The following HDX variants were observed in gnomAD, a reference collection of about 807,000 sequenced individuals.
HDX encodes chromosome X open reading frame 43.
Under a neutral mutation model 45.2 loss-of-function variants are expected in HDX, and 19 were observed. The observed-to-expected ratio is 0.42, with a 90% CI of 0.29 to 0.62. HDX has a LOEUF of 0.62. Among genes scored for constraint, HDX ranks in the 20% least tolerant of loss-of-function variants. The pLI, the probability that HDX is intolerant of heterozygous loss-of-function variation, is 0.20. For synonymous variants in HDX, 188 were observed against 172.8 expected (o/e 1.09, Z -0.69); for missense variants, 532 against 493.9 (o/e 1.08, Z -0.73).
intron 5 of HDX, among the ~76,000 whole-genome samples, chrX:84,388,472 T>G (rs1238027068): frequency 8.9e-6 from 1 of 111,845 alleles, no homozygotes; most frequent in Admixed American, 9.5e-5. Flanking sequence ...TAATCCCATA[T>G]TTCTAAGAGG....
intron 4 of HDX, among the ~76,000 whole-genome samples, chrX:84,444,084 C>T (rs984661590): frequency 2.7e-5 from 3 of 110,695 alleles, no homozygotes; most frequent in African/African-American, 9.8e-5. Flanking sequence ...GAATTGATAG[C>T]TTAATCTTAA....
chrX:84,452,206 G>GA (rs1269243214), intron 4 of HDX, among the ~76,000 whole-genome samples: 2 of 110,995 alleles, frequency 1.8e-5, no homozygotes, highest in Admixed American at 1.9e-4. Flanking sequence ...AGCAACATTG[G>GA]AAAATAAGTC....
At chrX:84,352,481 T>C (rs1017887077) in intron 6 of HDX, among the ~76,000 whole-genome samples, 55 of 111,930 alleles carry the variant, frequency 4.9e-4, no homozygotes, top group African/African-American at 1.7e-3. Context: ...TTTTAACACT[T>C]TTTTATTTTT....
chrX:84,454,320 T>A (rs184619934), intron 4 of HDX, among the ~76,000 whole-genome samples: 1 of 111,592 alleles, frequency 9.0e-6, no homozygotes, highest in East Asian at 2.8e-4. Flanking sequence ...TTTCTAGATG[T>A]GATCTGTGCC....
chrX:84,337,502 CTCAT>C lies in HDX; in HGVS notation c.1661-626_1661-623del, dbSNP rs199683343. Among the ~76,000 whole-genome samples the C allele has an allele frequency of 4.2e-4, 47 of 110,765 alleles. 1 individual carries two copies. The East Asian group carries it at 0.011, about 26-fold the overall frequency. On this transcript the variant is annotated intron_variant, in intron 7 of 10. Coordinates refer to ENST00000373177, the MANE Select transcript of HDX (RefSeq NM_001177479.2). ...ATTTTTCTACAATGAACATTTGTTT[CTCAT>C]TCAAATAAGAAAAAAGTCATAAAAT...
intron 5 of HDX, among the ~76,000 whole-genome samples, chrX:84,408,162 T>C (rs1169227384): frequency 9.0e-6 from 1 of 111,458 alleles, no homozygotes; most frequent in African/African-American, 3.3e-5. Context: ...CTTCCAGGGT[T>C]TTTATAGTTT....
At chrX:84,335,695 A>G (rs2036944500) in intron 8 of HDX, among the ~76,000 whole-genome samples, 1 of 111,308 alleles carries the variant, frequency 9.0e-6, no homozygotes, top group Admixed American at 9.6e-5. Flanking sequence ...AATTACTAGT[A>G]GCTATCTAAC....
chrX:84,418,098 T>C (rs1156904769), intron 5 of HDX, among the ~76,000 whole-genome samples: 1 of 111,866 alleles, frequency 8.9e-6, no homozygotes, highest in Non-Finnish European at 1.9e-5. Context: ...GGTTGACCGG[T>C]GAAGGTCTTT....
intron 4 of HDX, among the ~76,000 whole-genome samples, chrX:84,445,350 A>G (rs146499717): frequency 9.0e-6 from 1 of 111,600 alleles, no homozygotes; most frequent in Non-Finnish European, 1.9e-5. Context: ...TTAGCTTTCC[A>G]TCAGTTGTTT....
chrX:84,395,910 G>A (rs1411846098), intron 5 of HDX, among the ~76,000 whole-genome samples: 1 of 101,737 alleles, frequency 9.8e-6, no homozygotes, highest in African/African-American at 3.5e-5. Flanking sequence ...TTTAGTCCCA[G>A]AATTTTTTTA....
intron 8 of HDX, among the ~76,000 whole-genome samples, chrX:84,336,003 C>CA (rs199562310): frequency 5.5e-4 from 60 of 108,473 alleles, no homozygotes; most frequent in East Asian, 1.8e-3. Context: ...TTTGTAACAA[C>CA]AACAAAAAAA....
chrX:84,407,066 CTTTTA>C (rs1017092219), intron 5 of HDX, among the ~76,000 whole-genome samples: 4 of 110,894 alleles, frequency 3.6e-5, no homozygotes, highest in African/African-American at 1.3e-4. Context: ...TTTTTGTAAA[CTTTTA>C]TTTTAGGTCA....
At chrX:84,332,195 G>T (rs1312104882) in intron 9 of HDX, among the ~76,000 whole-genome samples, 1 of 110,919 alleles carries the variant, frequency 9.0e-6, no homozygotes, top group Non-Finnish European at 1.9e-5. Context: ...GAGGTGAGTT[G>T]AAAAATTTTA....
At chrX:84,454,409 C>T (rs189181718) in intron 4 of HDX, among the ~76,000 whole-genome samples, 1 of 111,387 alleles carries the variant, frequency 9.0e-6, no homozygotes, top group Non-Finnish European at 1.9e-5. Flanking sequence ...AGTACATTGA[C>T]CTTGAGTGAA....
intron 5 of HDX, among the ~76,000 whole-genome samples, chrX:84,372,411 T>C (rs1464468583): frequency 3.6e-5 from 4 of 111,599 alleles, no homozygotes; most frequent in African/African-American, 1.3e-4. Flanking sequence ...CCTTTCACTA[T>C]ACAGGATCAT....
chrX:84,337,869 C>A (rs2036999380), intron 7 of HDX, among the ~76,000 whole-genome samples: 1 of 110,980 alleles, frequency 9.0e-6, no homozygotes, highest in African/African-American at 3.3e-5. Context: ...GGGAACTGGT[C>A]GGTTCAAGGC....
chrX:84,376,593 G>T (rs1053169366), intron 5 of HDX, among the ~76,000 whole-genome samples: 2 of 111,977 alleles, frequency 1.8e-5, no homozygotes, highest in African/African-American at 6.5e-5. Flanking sequence ...GTTGGCAGTA[G>T]TCTGGCAGTA....
At chrX:84,476,279 T>C (rs918239515) in intron 2 of HDX, among the ~76,000 whole-genome samples, 6 of 111,004 alleles carry the variant, frequency 5.4e-5, no homozygotes, top group Non-Finnish European at 7.5e-5. Flanking sequence ...TAAGTCAATT[T>C]TGGGTTCTTG....
intron 7 of HDX, among the ~76,000 whole-genome samples, 160 bp from the exon 8 acceptor site, chrX:84,337,040 A>G (rs1297926591): frequency 9.0e-6 from 1 of 111,358 alleles, no homozygotes; most frequent in East Asian, 2.8e-4. Context: ...CAATGCATTC[A>G]AAGGAAATAA....
Sources: gnomAD v4.1 joint callset for allele counts (sites outside exome capture counted in the v4.1 genomes callset) on GRCh38, gnomAD v4.1.1 for gene constraint, MANE v1.5 for transcripts, NCBI Gene and HGNC (gene_info 2026-07-23, HGNC 2026-07-21) for gene names.